Variants in PVRIG observed in about 807,000 individuals in gnomAD.
The protein encoded by PVRIG is PVR related immunoglobulin domain containing, also known as transmembrane protein PVRIG.
A neutral mutation model predicts 21.9 loss-of-function variants in PVRIG; 16 were observed. That is an observed-to-expected ratio of 0.73 (90% CI 0.50 to 1.11). The LOEUF is 1.11. PVRIG is among the 50% of genes most tolerant of loss of function. The pLI is 0.00. For missense variants in PVRIG, 435 were observed against 445.7 expected (o/e 0.98, Z 0.22); for synonymous variants, 190 against 181.0 (o/e 1.05, Z -0.40).
chr7:100,220,947 A>G (rs1451143549), exon 6 of PVRIG: 1 of 1,581,432 alleles, frequency 6.3e-7, no homozygotes, highest in Non-Finnish European at 8.6e-7. Context: ...CAGGCCTCCC[A>G]GGCTGCTCTT....
chr7:100,221,088 C>A, exon 6 of PVRIG: 1 of 1,614,042 alleles, frequency 6.2e-7, no homozygotes, highest in Non-Finnish European at 8.5e-7. Context: ...GGCCCTGCCG[C>A]CTGGGCCTCC....
chr7:100,220,729 C>A (rs778008539), intron 4 of PVRIG, 31 bp from the exon 4 acceptor site: 19 of 1,607,390 alleles, frequency 1.2e-5, no homozygotes, highest in Non-Finnish European at 1.5e-5. Context: ...ACATGCCCTG[C>A]AGAGCTCTGA....
At chr7:100,220,369 G>A in exon 3 of PVRIG, 1 of 1,569,684 alleles carries the variant, frequency 6.4e-7, no homozygotes, top group Non-Finnish European at 8.6e-7. Context: ...GGGGCCAGCA[G>A]CCCCTGCGCC....
At chr7:100,220,699 C>T in intron 4 of PVRIG, 26 bp downstream of exon 3, 1 of 1,609,284 alleles carries the variant, frequency 6.2e-7, no homozygotes, top group Non-Finnish European at 8.5e-7. Flanking sequence ...TGTCCACGTC[C>T]CCCTGACACT....
chr7:100,220,861 A>G, intron 5 of PVRIG, 41 bp downstream of exon 4: 1 of 1,601,606 alleles, frequency 6.2e-7, no homozygotes, highest in Non-Finnish European at 8.5e-7. Flanking sequence ...TGACAGGGGC[A>G]GGGGCAGGGG....
At chr7:100,221,462 G>T (rs1163833644) in exon 6 of PVRIG, 10 of 466,696 alleles carry the variant, frequency 2.1e-5, no homozygotes, top group Admixed American at 3.9e-5. Flanking sequence ...CTGCAACTAA[G>T]TCAGCAACAC....
Position 100,220,613 on chromosome 7 carries a change from C to G in PVRIG, c.536C>G (p.Ser179Ter). 1 of 1,611,880 alleles carries G rather than the reference C, an allele frequency of 6.2e-7. No homozygotes were observed. Among genetic ancestry groups the G allele is most frequent in the Non-Finnish European group, 8.5e-7 (1 of 1,179,956 alleles). ...GACCTGGCCGGGATCTTGGGGGTCT[C>G]AGGAGTCCTCCTCTTTGGCTGTGTC... Residue 179 changes from serine to a stop codon, truncating the protein, a stop_gained, in exon 4 of 6, where the codon TCA (serine) becomes TGA (stop). Transcript: ENST00000317271. LOFTEE classifies it high-confidence loss of function.
At chr7:100,220,807 G>A (rs767510304) in exon 5 of PVRIG, 2 of 1,606,794 alleles carry the variant, frequency 1.2e-6, no homozygotes, top group East Asian at 2.2e-5. Context: ...CAGGCACCGA[G>A]AGCACGAGCA....
exon 6 of PVRIG, chr7:100,221,179 T>C: frequency 1.2e-6 from 2 of 1,611,728 alleles, no homozygotes; most frequent in Non-Finnish European, 1.7e-6. Context: ...CTCCTCACAC[T>C]GGTCCCGGCC....
exon 3 of PVRIG, chr7:100,220,429 A>G (rs1383374565): frequency 3.7e-6 from 6 of 1,606,898 alleles, no homozygotes; most frequent in Non-Finnish European, 4.2e-6. Context: ...GGCTCCTGGG[A>G]GGCCTGTGGG....
chr7:100,221,206 C>T (rs1367255188), exon 6 of PVRIG: 2 of 1,606,976 alleles, frequency 1.2e-6, no homozygotes, highest in African/African-American at 2.7e-5. Flanking sequence ...TTTTCCCTGA[C>T]CCTCGGGGGC....
chr7:100,220,232 C>G (rs773223043), exon 3 of PVRIG: 12 of 1,585,616 alleles, frequency 7.6e-6, no homozygotes, highest in Middle Eastern at 1.8e-4. Context: ...GCTGGGGGGG[C>G]CCCAACGGTG....
exon 6 of PVRIG, chr7:100,221,215 G>A (rs1803233127): frequency 6.2e-7 from 1 of 1,604,742 alleles, no homozygotes; most frequent in East Asian, 2.2e-5. Context: ...ACCCTCGGGG[G>A]CCCAGGGCCA....
At chr7:100,219,816 G>C (rs2117680450) in exon 2 of PVRIG, 1 of 972,160 alleles carries the variant, frequency 1.0e-6, no homozygotes, top group East Asian at 2.6e-5. Flanking sequence ...TTTAAGAAGG[G>C]AATCAGCCAC....
chr7:100,220,847 G>A (rs1369810953), intron 5 of PVRIG, 27 bp downstream of exon 4: 1 of 1,605,738 alleles, frequency 6.2e-7, no homozygotes, highest in Non-Finnish European at 8.5e-7. Flanking sequence ...CTTTGGGGAT[G>A]AGGTGACAGG....
exon 6 of PVRIG, chr7:100,221,050 C>T: frequency 6.2e-7 from 1 of 1,613,682 alleles, no homozygotes; most frequent in Non-Finnish European, 8.5e-7. Flanking sequence ...GGGCGTCACT[C>T]CCCACCCACG....
intron 4 of PVRIG, 25 bp from the exon 4 acceptor site, chr7:100,220,733 GCT>G: frequency 6.2e-7 from 1 of 1,607,146 alleles, no homozygotes; most frequent in Non-Finnish European, 8.5e-7. Flanking sequence ...GCCCTGCAGA[GCT>G]CTGACCATCC....
intron 1 of PVRIG, chr7:100,219,603 G>A: frequency 4.4e-6 from 2 of 457,704 alleles, no homozygotes; most frequent in Non-Finnish European, 7.9e-6. Context: ...AGCTGGGTGA[G>A]GGGCGGGACA....
At chr7:100,221,022 A>T (rs199878372) in exon 6 of PVRIG, 3 of 1,612,082 alleles carry the variant, frequency 1.9e-6, no homozygotes, top group Non-Finnish European at 2.5e-6. Context: ...GCTCACCCCC[A>T]TGGGGGGCCG....
Sources: allele counts gnomAD v4.1 joint callset, GRCh38; gene constraint gnomAD v4.1.1; transcripts MANE v1.5; gene names NCBI Gene and HGNC (gene_info 2026-07-23, HGNC 2026-07-21).